Variants in NRK observed in about 807,000 individuals in gnomAD.
The protein encoded by NRK is Nik related kinase.
A neutral mutation model predicts 125.2 loss-of-function variants in NRK; 67 were observed. The observed-to-expected ratio is 0.54, with a 90% CI of 0.44 to 0.66. The LOEUF is 0.66. Ranked by LOEUF, NRK falls within the 30% of genes least tolerant of loss-of-function variation. The pLI is 0.00. For missense variants in NRK, 1,224 were observed against 1,192.9 expected, an observed-to-expected ratio of 1.03 and a Z score of -0.38; for synonymous variants, 458 against 429.0, an observed-to-expected ratio of 1.07 and a Z score of -0.84.
chrX:105,902,108 G>A (rs2040166232), intron 9 of NRK, among the ~76,000 whole-genome samples: 1 of 108,927 alleles, frequency 9.2e-6, no homozygotes, highest in Non-Finnish European at 1.9e-5. Flanking sequence ...ACCTTCGTTT[G>A]TTTCACTTTT....
intron 4 of NRK, among the ~76,000 whole-genome samples, chrX:105,886,671 A>C (rs1247792496): frequency 9.4e-6 from 1 of 106,928 alleles, no homozygotes; most frequent in Non-Finnish European, 1.9e-5. Context: ...GTTCAGTGAG[A>C]GTAGACCCCT....
At chrX:105,915,432 CT>C (rs2040353335) in intron 14 of NRK, among the ~76,000 whole-genome samples, 1 of 110,848 alleles carries the variant, frequency 9.0e-6, no homozygotes, top group Non-Finnish European at 1.9e-5. Flanking sequence ...ACATAAAATT[CT>C]TAGAAAAGTC....
Position 105,830,343 on chromosome X carries a change from AAAG to A in NRK, c.58-702_58-700del, listed in dbSNP as rs1260193613. ...AAAAAAAAAAAAAAAAAAAAAAAAA[AAAG>A]AAGAAGAATATTAAAAGAGTACTTC... On this transcript the variant is annotated intron_variant, in intron 1 of 28. Coordinates refer to ENST00000243300, the MANE Select transcript of NRK (RefSeq NM_198465.4). 4.6e-3 allele frequency among the ~76,000 whole-genome samples: 467 copies of A among 101,547 alleles called. 6 individuals carry two copies. Among genetic ancestry groups the A allele is most frequent in the African/African-American group, 0.017 (445 of 25,710 alleles). 88.2% of individuals were successfully genotyped at this position (101,547 alleles called of 115,157 possible). A position where few individuals can be genotyped will look rare whatever the true frequency, so the allele number is the denominator to read the frequency against.
intron 23 of NRK, 30 bp downstream of exon 23, chrX:105,940,062 A>G (rs770294826): frequency 1.9e-6 from 2 of 1,064,169 alleles, no homozygotes; most frequent in Non-Finnish European, 2.5e-6. Flanking sequence ...TACTACAGCT[A>G]TATAAATTTT....
At chrX:105,854,666 A>G (rs1008289818) in intron 2 of NRK, among the ~76,000 whole-genome samples, 36 of 111,799 alleles carry the variant, frequency 3.2e-4, no homozygotes, top group Middle Eastern at 4.6e-3. Flanking sequence ...CAGGTGATAA[A>G]TGTTCTTCTA....
intron 3 of NRK, among the ~76,000 whole-genome samples, chrX:105,881,488 C>A (rs945121397): frequency 9.0e-6 from 1 of 111,497 alleles, no homozygotes; most frequent in Non-Finnish European, 1.9e-5. Flanking sequence ...TGTAATTTTC[C>A]CATTATTACA....
intron 16 of NRK, among the ~76,000 whole-genome samples, chrX:105,921,323 G>A (rs1360444656): frequency 1.0e-5 from 1 of 98,759 alleles, no homozygotes; most frequent in African/African-American, 3.8e-5. Flanking sequence ...ACACTCTGGG[G>A]ACTGTTGTGG....
Position 105,949,580 on chromosome X carries a change from G to A in NRK, c.4359G>A (p.Leu1453=). 1 of 1,190,878 alleles carries A rather than the reference G, an allele frequency of 8.4e-7. No individual in the cohort carries two copies. The highest frequency in any genetic ancestry group is 1.1e-6 in the Non-Finnish European group (1 of 879,655). Reference sequence around the variant, plus strand: ...TTTATGAAACATAATTCCAGCCCCTGGAAATCATTATACCACAGAATATCA... The same window carrying A: ...TTTATGAAACATAATTCCAGCCCCTAGAAATCATTATACCACAGAATATCA... ...MSDVTLPKNP[L]EIIIPQNIII... Residue 1453 remains leucine (L), a synonymous_variant, in exon 27 of 29, where the codon CTG becomes CTA. Transcript: ENST00000243300.
At chrX:105,932,471 T>G (rs2040607528) in intron 19 of NRK, among the ~76,000 whole-genome samples, 1 of 112,567 alleles carries the variant, frequency 8.9e-6, no homozygotes. Flanking sequence ...CACAAAACAT[T>G]TATTGACTTT....
At chrX:105,842,536 T>G (rs2039343935) in intron 2 of NRK, among the ~76,000 whole-genome samples, 1 of 112,016 alleles carries the variant, frequency 8.9e-6, no homozygotes, top group Non-Finnish European at 1.9e-5. Context: ...GGTTTCTGAT[T>G]GGTAGGAATT....
intron 5 of NRK, among the ~76,000 whole-genome samples, chrX:105,891,304 G>T (rs2040013795): frequency 3.6e-5 from 4 of 111,669 alleles, no homozygotes; most frequent in African/African-American, 1.3e-4. Flanking sequence ...GCCCTCCACT[G>T]TGGTAAAAAT....
chrX:105,846,326 AT>A (rs2039401154), intron 2 of NRK, among the ~76,000 whole-genome samples: 1 of 111,417 alleles, frequency 9.0e-6, no homozygotes, highest in African/African-American at 3.3e-5. Flanking sequence ...GTACTGAGAA[AT>A]TTACCTTAAG....
At chrX:105,939,650 C>T (rs910629566) in intron 22 of NRK, among the ~76,000 whole-genome samples, 1 of 111,360 alleles carries the variant, frequency 9.0e-6, no homozygotes, top group African/African-American at 3.3e-5. Context: ...TTCTGAGAGG[C>T]ACATAGGTAG....
chrX:105,822,836 C>A lies in NRK; in HGVS notation c.-10C>A. The A allele has an allele frequency of 8.5e-7, 1 of 1,169,797 alleles. No homozygotes were observed. On this transcript the variant is annotated 5_prime_UTR_variant, in exon 1 of 29. Transcript: ENST00000243300. ...TTCAGTCGCCCGCTCCCGTTCGGCTCCTCGAAGCCATGGCGGGACCTGGGG... is the reference window on the plus strand; with the variant it reads ...TTCAGTCGCCCGCTCCCGTTCGGCTACTCGAAGCCATGGCGGGACCTGGGG...
At chrX:105,929,164 T>C (rs765441202) in intron 19 of NRK, among the ~76,000 whole-genome samples, 5 of 111,821 alleles carry the variant, frequency 4.5e-5, no homozygotes, top group African/African-American at 1.3e-4. Flanking sequence ...CTGGGTACTC[T>C]AGTGTTTGGT....
At chrX:105,837,867 T>C (rs1325673682) in intron 2 of NRK, among the ~76,000 whole-genome samples, 1 of 111,249 alleles carries the variant, frequency 9.0e-6, no homozygotes, top group African/African-American at 3.3e-5. Flanking sequence ...AAAAAGTAAT[T>C]TCCCCAAGAG....
chrX:105,952,726 T>A (rs1313022064), intron 27 of NRK, among the ~76,000 whole-genome samples: 1 of 112,013 alleles, frequency 8.9e-6, no homozygotes, highest in East Asian at 2.8e-4. Context: ...GATCACAATG[T>A]CTACAAATGG....
chrX:105,833,642 A>G (rs1478370012), intron 2 of NRK, among the ~76,000 whole-genome samples: 1 of 111,874 alleles, frequency 8.9e-6, no homozygotes, highest in Non-Finnish European at 1.9e-5. Flanking sequence ...GTAAGACGGT[A>G]AAAAGGTAAG....
At chrX:105,899,078 C>A (rs1196215142) in intron 8 of NRK, among the ~76,000 whole-genome samples, 1 of 111,164 alleles carries the variant, frequency 9.0e-6, no homozygotes, top group Non-Finnish European at 1.9e-5. Context: ...AAATGTAAAG[C>A]CAATTATTAA....
Sources: allele counts gnomAD v4.1 joint callset (sites outside exome capture counted in the v4.1 genomes callset), GRCh38; gene constraint gnomAD v4.1.1; transcripts MANE v1.5; gene names NCBI Gene and HGNC (gene_info 2026-07-23, HGNC 2026-07-21).